CHN2: variants seen among roughly 807,000 people sequenced by gnomAD.
CHN2 encodes beta-chimaerin.
In CHN2, 35 loss-of-function variants were observed where a neutral mutation model predicts 56.3. The ratio of observed to expected loss-of-function variants is 0.62; its 90% CI spans 0.47 to 0.82. The LOEUF (loss-of-function observed/expected upper bound fraction) is 0.82. Among genes scored for constraint, CHN2 ranks in the 40% least tolerant of loss-of-function variants. The probability of loss-of-function intolerance (pLI) is 0.00; values close to 1 mark genes in which losing one functional copy is unlikely to be tolerated. For missense variants in CHN2, 491 were observed against 580.5 expected, an observed-to-expected ratio of 0.85 and a Z score of 1.58; for synonymous variants, 210 against 212.8, an observed-to-expected ratio of 0.99 and a Z score of 0.12.
intron 1 of CHN2, among the ~76,000 whole-genome samples, chr7:29,216,353 A>AG (rs925201485): frequency 5.9e-5 from 9 of 152,326 alleles, no homozygotes; most frequent in African/African-American, 1.9e-4. Context: ...ATAATTGACA[A>AG]GGTTGGAAGC....
intron 2 of CHN2, among the ~76,000 whole-genome samples, chr7:29,187,412 A>G (rs559596066): frequency 6.6e-6 from 1 of 152,090 alleles, no homozygotes; most frequent in African/African-American, 2.4e-5. Flanking sequence ...GTTATATTAT[A>G]CATGCCACTT....
At chr7:29,509,523 C>T in intron 12 of CHN2, 117 bp downstream of exon 12, 1 of 732,642 alleles carries the variant, frequency 1.4e-6, no homozygotes, top group Non-Finnish European at 2.3e-6. Flanking sequence ...GTGCCAGGAA[C>T]CACTCCAGGC....
intron 6 of CHN2, among the ~76,000 whole-genome samples, chr7:29,413,728 G>A (rs1007365565): frequency 1.3e-5 from 2 of 152,188 alleles, no homozygotes; most frequent in Non-Finnish European, 2.9e-5. Flanking sequence ...TTGCTAGAAG[G>A]TGGCTCGTCT....
chr7:29,274,126 T>G (rs1409434341), intron 1 of CHN2, among the ~76,000 whole-genome samples: 1 of 152,218 alleles, frequency 6.6e-6, no homozygotes, highest in Non-Finnish European at 1.5e-5. Context: ...ATTTGAATAG[T>G]GCTTACGAAC....
intron 1 of CHN2, among the ~76,000 whole-genome samples, chr7:29,315,800 A>G (rs1794915730): frequency 6.6e-6 from 1 of 152,206 alleles, no homozygotes; most frequent in African/African-American, 2.4e-5. Context: ...GCTAATGGGG[A>G]ATACAGATGA....
At chr7:29,459,152 G>A (rs980481677) in intron 6 of CHN2, among the ~76,000 whole-genome samples, 11 of 152,098 alleles carry the variant, frequency 7.2e-5, no homozygotes, top group Admixed American at 7.2e-4. Flanking sequence ...GTGGGTCAGG[G>A]GTCAGATTCT....
At chr7:29,406,015 T>A (rs1042019471) in intron 6 of CHN2, among the ~76,000 whole-genome samples, 15 of 152,214 alleles carry the variant, frequency 9.9e-5, no homozygotes, top group Non-Finnish European at 1.9e-4. Context: ...CGAGTGGTTC[T>A]CCCCAGTGCC....
intron 4 of CHN2, among the ~76,000 whole-genome samples, chr7:29,396,183 C>G (rs1447503238): frequency 1.3e-5 from 2 of 152,032 alleles, no homozygotes; most frequent in African/African-American, 2.4e-5. Context: ...TGGCTCACAC[C>G]TGTAATCCCA....
chr7:29,439,456 T>C (rs1783471959), intron 6 of CHN2, among the ~76,000 whole-genome samples: 1 of 152,202 alleles, frequency 6.6e-6, no homozygotes, highest in African/African-American at 2.4e-5. Flanking sequence ...GCCTGGGGTC[T>C]TCTTCCCCAC....
intron 6 of CHN2, among the ~76,000 whole-genome samples, chr7:29,432,213 CTG>C (rs146531605): frequency 0.01 from 1,548 of 152,246 alleles, 17 homozygotes; most frequent in Middle Eastern, 0.027. Context: ...GTGTGCCTCA[CTG>C]TGAAATTCCG....
intron 6 of CHN2, among the ~76,000 whole-genome samples, chr7:29,470,302 T>A (rs905312451): frequency 7.9e-5 from 12 of 152,220 alleles, no homozygotes; most frequent in Admixed American, 4.6e-4. Flanking sequence ...ACTTAGATTA[T>A]CTTTGGAATG....
intron 1 of CHN2, among the ~76,000 whole-genome samples, chr7:29,211,669 C>T (rs1051166080): frequency 7.9e-5 from 12 of 152,046 alleles, no homozygotes; most frequent in African/African-American, 2.7e-4. Flanking sequence ...GAAATTGGTC[C>T]AGAACTCCAA....
At chr7:29,147,266 A>T in intron 2 of CHN2, 1 of 323,500 alleles carries the variant, frequency 3.1e-6, no homozygotes, top group African/African-American at 2.1e-5. Context: ...ATTATCAGCA[A>T]CAGCAGCGTC....
rs1302803906 is a variant in CHN2 at position 29,333,409 on chromosome 7, AGAG to A, written c.50-21212_50-21210del. On this transcript the variant is annotated intron_variant, in intron 1 of 12. Coordinates refer to ENST00000222792, the MANE Select transcript of CHN2 (RefSeq NM_004067.4). ...TTCTCAGAAAATGACCATGCTTTGGAGAGGAGATGACACAGTGAGTGGGAGAGG... is the reference window on the plus strand; with the variant it reads ...TTCTCAGAAAATGACCATGCTTTGGAGAGATGACACAGTGAGTGGGAGAGG... 1.2e-4 allele frequency among the ~76,000 whole-genome samples: 19 copies of A among 152,256 alleles called. No individual in the cohort carries two copies. In the South Asian group the frequency reaches 3.1e-3, roughly 25 times the overall value.
intron 1 of CHN2, among the ~76,000 whole-genome samples, chr7:29,348,776 C>T (rs1425276352): frequency 6.6e-6 from 1 of 152,046 alleles, no homozygotes; most frequent in Non-Finnish European, 1.5e-5. Flanking sequence ...AAAACTAGCA[C>T]TCCTACAAAT....
Position 29,417,048 on chromosome 7 carries a change from A to G in CHN2, c.576+16220A>G, listed in dbSNP as rs528152917. On this transcript the variant is annotated intron_variant, in intron 6 of 12. Transcript: ENST00000222792. ...CTTCCTTTGCATGCCGCCGGGTAGC[A>G]TCTCACCTGCACCTTCTTCGAAATA... Among the ~76,000 whole-genome samples the G allele has an allele frequency of 4.6e-5, 7 of 152,210 alleles. No individual in the cohort carries two copies. In the East Asian group the frequency reaches 9.7e-4, roughly 21 times the overall value.
chr7:29,385,903 A>T (rs1305403251), intron 3 of CHN2, among the ~76,000 whole-genome samples: 1 of 152,210 alleles, frequency 6.6e-6, no homozygotes, highest in Non-Finnish European at 1.5e-5. Context: ...CTGTAAGTTC[A>T]CAGAATGTTT....
chr7:29,201,691 G>A (rs1053702593), intron 1 of CHN2, among the ~76,000 whole-genome samples: 2 of 152,066 alleles, frequency 1.3e-5, no homozygotes, highest in Non-Finnish European at 1.5e-5. Flanking sequence ...GTGCTCAATA[G>A]CACACATGGC....
intron 1 of CHN2, among the ~76,000 whole-genome samples, chr7:29,277,794 G>C (rs1791356055): frequency 6.6e-6 from 1 of 152,094 alleles, no homozygotes; most frequent in Non-Finnish European, 1.5e-5. Context: ...AAACCATGAT[G>C]GCATCAGCCT....
Sources: gnomAD v4.1 joint callset for allele counts (sites outside exome capture counted in the v4.1 genomes callset) on GRCh38, gnomAD v4.1.1 for gene constraint, MANE v1.5 for transcripts, NCBI Gene and HGNC (gene_info 2026-07-23, HGNC 2026-07-21) for gene names.